SLA: variants seen among roughly 807,000 people sequenced by gnomAD.
SLA encodes the protein src-like-adapter.
SLA carries 16 observed loss-of-function variants against 30.3 expected under a neutral mutation model. That is an observed-to-expected ratio of 0.53 (90% CI 0.36 to 0.80). The LOEUF is 0.80. SLA is among the 30% of genes least tolerant of loss of function. SLA has a pLI of 0.01. For missense variants in SLA, 310 were observed against 345.2 expected, an observed-to-expected ratio of 0.90 and a Z score of 0.81; for synonymous variants, 143 against 137.8, an observed-to-expected ratio of 1.04 and a Z score of -0.26.
At chr8:133,056,255 T>C (rs1841429106) in intron 3 of SLA, among the ~76,000 whole-genome samples, 1 of 152,226 alleles carries the variant, frequency 6.6e-6, no homozygotes. Flanking sequence ...ATGATGTTCA[T>C]CAATGTACAA....
At chr8:133,052,542 C>G (rs930847124) in intron 3 of SLA, among the ~76,000 whole-genome samples, 5 of 152,202 alleles carry the variant, frequency 3.3e-5, no homozygotes, top group Admixed American at 3.3e-4. Context: ...GCAGCTCCCT[C>G]ACATTCTGCT....
chr8:133,083,269 C>T (rs1019088935), intron 1 of SLA, among the ~76,000 whole-genome samples: 3 of 151,954 alleles, frequency 2.0e-5, no homozygotes, highest in African/African-American at 7.3e-5. Context: ...ATTTTTTGAA[C>T]CTGTTACTTA....
intron 1 of SLA, among the ~76,000 whole-genome samples, chr8:133,081,982 A>G (rs1845825187): frequency 6.6e-6 from 1 of 152,216 alleles, no homozygotes; most frequent in Non-Finnish European, 1.5e-5. Flanking sequence ...TGTAGCCAGG[A>G]ATGTTGAAAC....
chr8:133,047,058 A>T (rs1049598953), intron 6 of SLA: 8 of 152,218 alleles, frequency 5.3e-5, no homozygotes, highest in Non-Finnish European at 8.8e-5. Context: ...GTATTTGGGG[A>T]TAAACATGGT....
At chr8:133,081,219 G>A (rs1211005983) in intron 1 of SLA, among the ~76,000 whole-genome samples, 1 of 152,258 alleles carries the variant, frequency 6.6e-6, no homozygotes, top group Non-Finnish European at 1.5e-5. Flanking sequence ...GCTTGGGAAG[G>A]CAGGAGTATG....
At chr8:133,043,240 T>C (rs2702996) in intron 7 of SLA, among the ~76,000 whole-genome samples, 113,085 of 151,982 alleles carry the variant, frequency 0.74, 42,993 homozygotes, top group African/African-American at 0.9. Context: ...TTCGGTATTT[T>C]TGGCCTGGTA....
chr8:133,099,277 T>A (rs1353967886), intron 1 of SLA, among the ~76,000 whole-genome samples: 1 of 152,234 alleles, frequency 6.6e-6, no homozygotes, highest in Admixed American at 6.5e-5. Flanking sequence ...AGACCGTTCG[T>A]TTCTGGCTTC....
chr8:133,045,029 TC>T lies in SLA; in HGVS notation c.438del (p.Arg147GlyfsTer11). 1.2e-6 allele frequency: 2 copies of T among 1,614,158 alleles called. No individual in the cohort carries two copies. Among genetic ancestry groups the T allele is most frequent in the Non-Finnish European group, 1.7e-6 (2 of 1,180,022 alleles). On this transcript the variant is annotated frameshift_variant, in exon 7 of 9. Transcript: ENST00000338087. LOFTEE classifies it high-confidence loss of function. The part of the protein sequence containing the change: ...RLPNNWYYIS[P>X]RLTFQCLEDL... ...TCCTCCAGGCACTGGAAGGTGAGCC[TC>T]GGGGAAATGTAGTACCAGTTGTTGG...
intron 1 of SLA, among the ~76,000 whole-genome samples, chr8:133,099,045 GA>G (rs1848855727): frequency 6.6e-6 from 1 of 152,194 alleles, no homozygotes; most frequent in South Asian, 2.1e-4. Context: ...GGTTTTTAAG[GA>G]AAGCTTACTT....
chr8:133,039,159 G>A (rs566861940), intron 8 of SLA, among the ~76,000 whole-genome samples: 5 of 152,298 alleles, frequency 3.3e-5, no homozygotes, highest in South Asian at 2.1e-4. Context: ...GGTTACAGGC[G>A]TGAGCCACCG....
At chr8:133,062,041 A>G (rs1301507002) in intron 2 of SLA, among the ~76,000 whole-genome samples, 1 of 152,252 alleles carries the variant, frequency 6.6e-6, no homozygotes, top group Non-Finnish European at 1.5e-5. Context: ...CAGGCTCGCA[A>G]AAGCTATAAA....
chr8:133,052,137 C>T (rs1840522629), intron 3 of SLA, among the ~76,000 whole-genome samples: 1 of 152,210 alleles, frequency 6.6e-6, no homozygotes. Flanking sequence ...GATCCTGCCT[C>T]TTACAACTCA....
intron 1 of SLA, among the ~76,000 whole-genome samples, chr8:133,082,308 T>C (rs567648517): frequency 6.6e-6 from 1 of 152,256 alleles, no homozygotes; most frequent in South Asian, 2.1e-4. Context: ...GCTTTGGCAC[T>C]TTGCATGACT....
intron 2 of SLA, among the ~76,000 whole-genome samples, chr8:133,064,404 T>C (rs1842791187): frequency 6.6e-6 from 1 of 152,260 alleles, no homozygotes; most frequent in Non-Finnish European, 1.5e-5. Flanking sequence ...TGAGGCAATC[T>C]GCAGATATTG....
intron 1 of SLA, among the ~76,000 whole-genome samples, chr8:133,086,465 G>T (rs971352924): frequency 6.6e-6 from 1 of 151,902 alleles, no homozygotes; most frequent in African/African-American, 2.4e-5. Context: ...CTTTAATACG[G>T]ATGTTCATGT....
At chr8:133,038,826 G>A in intron 8 of SLA, 89 bp from the exon 9 acceptor site, 1 of 794,420 alleles carries the variant, frequency 1.3e-6, no homozygotes, top group East Asian at 2.7e-5. Context: ...AATGAGAACA[G>A]GAGGAAAAGA....
intron 2 of SLA, among the ~76,000 whole-genome samples, chr8:133,071,024 C>T (rs1843923805): frequency 6.6e-6 from 1 of 152,184 alleles, no homozygotes; most frequent in South Asian, 2.1e-4. Context: ...AGATTGTGGC[C>T]AAGTCACTTT....
At chr8:133,073,745 C>T (rs1844436105) in intron 2 of SLA, among the ~76,000 whole-genome samples, 1 of 152,074 alleles carries the variant, frequency 6.6e-6, no homozygotes. Context: ...AAACACAGGC[C>T]TCAGCTCTGC....
chr8:133,077,694 A>G (rs937215363), intron 1 of SLA, among the ~76,000 whole-genome samples: 1 of 151,920 alleles, frequency 6.6e-6, no homozygotes, highest in Non-Finnish European at 1.5e-5. Flanking sequence ...TCTCAGCCTC[A>G]GCACTTTGGA....
Sources: allele counts gnomAD v4.1 joint callset (sites outside exome capture counted in the v4.1 genomes callset), GRCh38; gene constraint gnomAD v4.1.1; transcripts MANE v1.5; gene names NCBI Gene and HGNC (gene_info 2026-07-23, HGNC 2026-07-21).